The following CAMK1D variants were observed in gnomAD, a reference collection of about 807,000 sequenced individuals.
CAMK1D encodes calcium/calmodulin-dependent protein kinase type 1D.
CAMK1D carries 9 observed loss-of-function variants against 47.7 expected under a neutral mutation model. The observed-to-expected ratio is 0.19, with a 90% confidence interval of 0.11 to 0.33. CAMK1D has a LOEUF of 0.33. Among genes scored for constraint, CAMK1D ranks in the 10% least tolerant of loss-of-function variants. The probability of loss-of-function intolerance (pLI) is 1.00; values close to 1 mark genes in which losing one functional copy is unlikely to be tolerated. For synonymous variants in CAMK1D, 184 were observed against 184.9 expected, an observed-to-expected ratio of 0.99 and a Z score of 0.04; for missense variants, 291 against 488.7, an observed-to-expected ratio of 0.60 and a Z score of 3.81.
chr10:12,825,074 G>A (rs763675569), intron 9 of CAMK1D, among the ~76,000 whole-genome samples: 5 of 8,292 alleles, frequency 6.0e-4, no homozygotes, highest in Non-Finnish European at 1.2e-3. Flanking sequence ...AAGATGAGAC[G>A]GAAACAAAAT....
At chr10:12,560,518 A>G (rs915836157) in intron 2 of CAMK1D, among the ~76,000 whole-genome samples, 2 of 149,642 alleles carry the variant, frequency 1.3e-5, no homozygotes, top group African/African-American at 5.0e-5. Flanking sequence ...GCACCACTGC[A>G]CTTCAGCCTG....
chr10:12,702,445 G>C (rs530108234), intron 3 of CAMK1D, among the ~76,000 whole-genome samples: 3 of 152,176 alleles, frequency 2.0e-5, no homozygotes, highest in Non-Finnish European at 4.4e-5. Flanking sequence ...ACTTGAAGAC[G>C]GGCTCCATCT....
intron 2 of CAMK1D, chr10:12,653,307 T>C (rs745433902): frequency 6.5e-6 from 1 of 152,836 alleles, no homozygotes; most frequent in African/African-American, 2.4e-5. Context: ...ACATTAGGGA[T>C]TGCATTTCAG....
chr10:12,403,984 A>G (rs199925980), intron 1 of CAMK1D, among the ~76,000 whole-genome samples: 88 of 15,364 alleles, frequency 5.7e-3, no homozygotes, highest in African/African-American at 0.012. Flanking sequence ...TTGCTTTTGG[A>G]AAAAAAAAAA....
intron 3 of CAMK1D, among the ~76,000 whole-genome samples, chr10:12,669,430 G>A (rs945919705): frequency 3.3e-5 from 5 of 152,120 alleles, no homozygotes; most frequent in African/African-American, 4.8e-5. Flanking sequence ...AAAAATTTGC[G>A]CAGTAGTTCA....
At chr10:12,665,462 C>T (rs898938838) in intron 2 of CAMK1D, among the ~76,000 whole-genome samples, 1 of 152,214 alleles carries the variant, frequency 6.6e-6, no homozygotes, top group Admixed American at 6.5e-5. Context: ...ATTCATTCAG[C>T]AAGCATTTAT....
chr10:12,509,973 A>C (rs780200967), intron 1 of CAMK1D, among the ~76,000 whole-genome samples: 1 of 152,190 alleles, frequency 6.6e-6, no homozygotes, highest in Non-Finnish European at 1.5e-5. Flanking sequence ...GGATCACTGA[A>C]AATAAGATTC....
At chr10:12,663,809 T>G (rs1840348156) in intron 2 of CAMK1D, among the ~76,000 whole-genome samples, 1 of 152,204 alleles carries the variant, frequency 6.6e-6, no homozygotes, top group African/African-American at 2.4e-5. Context: ...ATGGCATTTT[T>G]TGAAAATAAC....
intron 3 of CAMK1D, among the ~76,000 whole-genome samples, chr10:12,755,292 T>C (rs1468256004): frequency 1.3e-5 from 2 of 152,140 alleles, no homozygotes; most frequent in Non-Finnish European, 2.9e-5. Context: ...ATGACGATTA[T>C]AGGCACCAGT....
At chr10:12,718,871 C>T (rs1834258902) in intron 3 of CAMK1D, among the ~76,000 whole-genome samples, 1 of 152,114 alleles carries the variant, frequency 6.6e-6, no homozygotes, top group South Asian at 2.1e-4. Flanking sequence ...CCTAACTCTC[C>T]CTAAGACAGC....
intron 1 of CAMK1D, among the ~76,000 whole-genome samples, chr10:12,367,227 G>A (rs905733744): frequency 6.6e-6 from 1 of 152,130 alleles, no homozygotes; most frequent in Admixed American, 6.6e-5. Context: ...AATAAACACT[G>A]TTACATGCAC....
intron 1 of CAMK1D, among the ~76,000 whole-genome samples, chr10:12,456,831 C>T (rs1393934777): frequency 6.6e-6 from 1 of 150,752 alleles, no homozygotes; most frequent in African/African-American, 2.4e-5. Context: ...TTTAAACAAC[C>T]CTACAGGAGG....
At chr10:12,794,057 C>CACTCTGAAG (rs1490370720) in intron 6 of CAMK1D, among the ~76,000 whole-genome samples, 5 of 152,160 alleles carry the variant, frequency 3.3e-5, no homozygotes, top group Admixed American at 2.6e-4. Flanking sequence ...TTATCCCAGC[C>CACTCTGAAG]ACTCTGAAGA....
intron 3 of CAMK1D, among the ~76,000 whole-genome samples, chr10:12,669,949 G>A (rs747411648): frequency 9.6e-4 from 146 of 152,016 alleles, no homozygotes; most frequent in Non-Finnish European, 1.8e-3. Context: ...CTTGGGTGGT[G>A]CCCAGTTGGC....
At chr10:12,790,862 G>A (rs1837948631) in intron 5 of CAMK1D, among the ~76,000 whole-genome samples, 1 of 152,018 alleles carries the variant, frequency 6.6e-6, no homozygotes, top group South Asian at 2.1e-4. Context: ...CAGGCATGGT[G>A]GCATGCACCT....
At chr10:12,406,582 G>A (rs1411047759) in intron 1 of CAMK1D, among the ~76,000 whole-genome samples, 1 of 151,544 alleles carries the variant, frequency 6.6e-6, no homozygotes, top group Non-Finnish European at 1.5e-5. Flanking sequence ...AATTATCAGG[G>A]CATGGTGGTG....
At chr10:12,472,235 T>C (rs1483472404) in intron 1 of CAMK1D, among the ~76,000 whole-genome samples, 1 of 152,100 alleles carries the variant, frequency 6.6e-6, no homozygotes, top group African/African-American at 2.4e-5. Context: ...CCCCCTTGCC[T>C]GTCTGTGTTT....
intron 3 of CAMK1D, among the ~76,000 whole-genome samples, chr10:12,752,406 A>G (rs971701773): frequency 1.3e-5 from 2 of 152,220 alleles, no homozygotes; most frequent in African/African-American, 2.4e-5. Context: ...ATGTGTACAT[A>G]TGGACCTAGC....
chr10:12,660,570 A>G (rs75263140), intron 2 of CAMK1D, among the ~76,000 whole-genome samples: 4,023 of 152,284 alleles, frequency 0.026, 75 homozygotes, highest in South Asian at 0.049. Context: ...GTCTGCTTCA[A>G]TGCCCATGTG....
Sources: gnomAD v4.1 joint callset for allele counts (sites outside exome capture counted in the v4.1 genomes callset) on GRCh38, gnomAD v4.1.1 for gene constraint, MANE v1.5 for transcripts, NCBI Gene and HGNC (gene_info 2026-07-23, HGNC 2026-07-21) for gene names.